NRXN3: variants seen among roughly 807,000 people sequenced by gnomAD.
The protein encoded by NRXN3 is neurexin III.
In NRXN3, 32 loss-of-function variants were observed where a neutral mutation model predicts 137.6. The observed-to-expected ratio is 0.23, with a 90% CI of 0.18 to 0.31. The LOEUF is 0.31. NRXN3 is among the 10% of genes least tolerant of loss of function. The pLI, the probability that NRXN3 is intolerant of heterozygous loss-of-function variation, is 1.00. For synonymous variants in NRXN3, 798 were observed against 784.5 expected (o/e 1.02, Z -0.29); for missense variants, 1,574 against 2,062.5 (o/e 0.76, Z 4.59).
chr14:79,273,912 T>A (rs150593312), intron 15 of NRXN3, among the ~76,000 whole-genome samples: 1 of 151,614 alleles, frequency 6.6e-6, no homozygotes, highest in Non-Finnish European at 1.5e-5. Context: ...CTGGCCAACA[T>A]GGTGAAACCC....
chr14:79,409,526 T>G (rs540495354), intron 15 of NRXN3, among the ~76,000 whole-genome samples: 1 of 149,836 alleles, frequency 6.7e-6, no homozygotes, highest in Non-Finnish European at 1.5e-5. Context: ...TATATACATG[T>G]ATATATGTAG....
intron 15 of NRXN3, among the ~76,000 whole-genome samples, chr14:79,433,571 T>A (rs995155657): frequency 1.3e-5 from 2 of 152,110 alleles, no homozygotes; most frequent in Admixed American, 1.3e-4. Context: ...TTTTCTTGTA[T>A]TCCAGATGAA....
chr14:78,619,926 T>C (rs2152496836), intron 4 of NRXN3, among the ~76,000 whole-genome samples: 1 of 152,234 alleles, frequency 6.6e-6, no homozygotes, highest in Admixed American at 6.5e-5. Context: ...AAGATGGCCA[T>C]CTACAAATCA....
At position 79,473,275 on chromosome 14, in the gene NRXN3, C is replaced by T. The variant is rs57307644; in HGVS notation, c.3444+5873C>T. On this transcript the variant is annotated intron_variant, in intron 16 of 20. Coordinates refer to ENST00000335750, the MANE Select transcript of NRXN3 (RefSeq NM_001330195.2). The stretch of plus-strand genomic sequence containing the variant: ...TCTATCAGTGTCATATTTGGGGAAA[C>T]TGGATATTTATTAAGTTTCACTTGT... Among the ~76,000 whole-genome samples the T allele has an allele frequency of 6.5e-3, 991 of 152,076 alleles. 13 individuals are homozygous for T. Among genetic ancestry groups the T allele is most frequent in the African/African-American group, 0.023 (953 of 41,488 alleles).
chr14:79,158,603 C>T (rs531805467), intron 15 of NRXN3, among the ~76,000 whole-genome samples: 4 of 151,896 alleles, frequency 2.6e-5, no homozygotes, highest in African/African-American at 9.6e-5. Flanking sequence ...TTTATCATTG[C>T]TCACCTTTGA....
At chr14:78,270,181 A>G (rs527606097) in intron 2 of NRXN3, among the ~76,000 whole-genome samples, 16 of 152,272 alleles carry the variant, frequency 1.1e-4, no homozygotes, top group African/African-American at 3.9e-4. Context: ...CTTAACCTCT[A>G]TCCTATCTAT....
intron 4 of NRXN3, among the ~76,000 whole-genome samples, chr14:78,614,038 C>CTAATCACCT (rs2097324930): frequency 6.6e-6 from 1 of 152,116 alleles, no homozygotes; most frequent in Non-Finnish European, 1.5e-5. Context: ...TTATCTAGTT[C>CTAATCACCT]AGGGCTGCTC....
intron 11 of NRXN3, among the ~76,000 whole-genome samples, chr14:78,962,119 T>G (rs1278395795): frequency 6.6e-6 from 1 of 152,200 alleles, no homozygotes; most frequent in Non-Finnish European, 1.5e-5. Context: ...AAAACCTTTT[T>G]TCCAAAGACA....
chr14:79,697,918 G>C lies in NRXN3; in HGVS notation c.3995G>C (p.Arg1332Pro). 6.2e-7 allele frequency: 1 copy of C among 1,610,896 alleles called. No homozygotes were observed. The change falls in exon 19 of 21, where the codon CGC becomes CCC. Residue 1332 changes from arginine to proline, a missense_variant. Physicochemically the swap from Arg to Pro is moderately radical, Grantham distance 103 (BLOSUM62 -2). Around this residue, in one of 5 missense-constraint regions of NRXN3, gnomAD observed 320 missense variants for 387.1 expected, o/e 0.83. Transcript: ENST00000335750. Reference sequence around the variant, plus strand: ...GCGACTACCACAACCCGTAAGAATCGCTCTACAGCCAGCATTCAGGTAGGC... The same window carrying C: ...GCGACTACCACAACCCGTAAGAATCCCTCTACAGCCAGCATTCAGGTAGGC... ...TMATTTTRKN[R>P]STASIQPTSD...
At chr14:78,747,181 C>A (rs2098612909) in intron 8 of NRXN3, among the ~76,000 whole-genome samples, 2 of 152,156 alleles carry the variant, frequency 1.3e-5, no homozygotes, top group Non-Finnish European at 2.9e-5. Flanking sequence ...CCTCTCTGGC[C>A]AGTGTTGTTC....
chr14:79,710,700 A>ATATT (rs897484306), intron 19 of NRXN3, among the ~76,000 whole-genome samples: 1 of 152,042 alleles, frequency 6.6e-6, no homozygotes, highest in African/African-American at 2.4e-5. Context: ...TCATTAAAAA[A>ATATT]TATTTGAGTT....
At chr14:78,891,237 C>G (rs1437962393) in intron 10 of NRXN3, among the ~76,000 whole-genome samples, 1 of 151,806 alleles carries the variant, frequency 6.6e-6, no homozygotes, top group Non-Finnish European at 1.5e-5. Context: ...TGTATTTACT[C>G]CTTCAGTATT....
At chr14:78,531,161 T>A (rs572544582) in intron 4 of NRXN3, among the ~76,000 whole-genome samples, 77 of 152,308 alleles carry the variant, frequency 5.1e-4, no homozygotes, top group Non-Finnish European at 1.0e-3. Flanking sequence ...GCAATAGACA[T>A]CCTGGGCTAC....
chr14:78,267,153 T>G (rs1381232024), intron 2 of NRXN3, among the ~76,000 whole-genome samples: 1 of 152,244 alleles, frequency 6.6e-6, no homozygotes, highest in Admixed American at 6.5e-5. Flanking sequence ...TAGTATGTGC[T>G]GAGCATGGTG....
chr14:78,893,564 AC>A (rs2099165334), intron 10 of NRXN3, among the ~76,000 whole-genome samples: 1 of 151,974 alleles, frequency 6.6e-6, no homozygotes, highest in Non-Finnish European at 1.5e-5. Context: ...GGAAGGCTCC[AC>A]TAGACCCTAA....
intron 8 of NRXN3, among the ~76,000 whole-genome samples, chr14:78,786,025 G>A (rs919705596): frequency 6.6e-6 from 1 of 152,086 alleles, no homozygotes; most frequent in Non-Finnish European, 1.5e-5. Flanking sequence ...TCTCCACAGT[G>A]TACTACAATA....
chr14:79,616,296 G>T (rs1294029224), intron 16 of NRXN3, among the ~76,000 whole-genome samples: 1 of 152,004 alleles, frequency 6.6e-6, no homozygotes, highest in Non-Finnish European at 1.5e-5. Context: ...AAGAAGAGAG[G>T]ATATGTGTGG....
chr14:79,256,177 T>TCC (rs2153387378), intron 15 of NRXN3, among the ~76,000 whole-genome samples: 1 of 151,106 alleles, frequency 6.6e-6, no homozygotes, highest in African/African-American at 2.5e-5. Context: ...TCTCTGTCTC[T>TCC]CTCTCTCTCT....
intron 10 of NRXN3, among the ~76,000 whole-genome samples, chr14:78,858,912 G>C (rs1485913849): frequency 6.6e-6 from 1 of 152,100 alleles, no homozygotes. Flanking sequence ...TTAGAAATCT[G>C]TATGTATTCC....
Sources: allele counts gnomAD v4.1 joint callset (sites outside exome capture counted in the v4.1 genomes callset), GRCh38; gene constraint gnomAD v4.1.1; regional missense constraint gnomAD v4.1.1; transcripts MANE v1.5; gene names NCBI Gene and HGNC (gene_info 2026-07-23, HGNC 2026-07-21).